Variants in EEA1 observed in about 807,000 individuals in gnomAD.
The protein encoded by EEA1 is early endosome antigen 1, 162kD.
A neutral mutation model predicts 209.2 loss-of-function variants in EEA1; 111 were observed. That is an observed-to-expected ratio of 0.53 (90% CI 0.45 to 0.62). The LOEUF (loss-of-function observed/expected upper bound fraction) is 0.62, where lower values mean the gene tolerates loss of function less well. Among genes scored for constraint, EEA1 ranks in the 20% least tolerant of loss-of-function variants. The pLI, the probability that EEA1 is intolerant of heterozygous loss-of-function variation, is 0.00. For missense variants in EEA1, 1,343 were observed against 1,530.8 expected (o/e 0.88, Z 2.05); for synonymous variants, 536 against 540.6 (o/e 0.99, Z 0.12).
intron 21 of EEA1, among the ~76,000 whole-genome samples, chr12:92,794,657 C>T (rs1308350690): frequency 6.6e-6 from 1 of 150,928 alleles, no homozygotes; most frequent in African/African-American, 2.4e-5. Flanking sequence ...CGCATGTTCC[C>T]ACTCATAGGT....
At chr12:92,802,257 A>T in intron 19 of EEA1, 147 bp downstream of exon 19, 1 of 716,032 alleles carries the variant, frequency 1.4e-6, no homozygotes, top group Non-Finnish European at 2.1e-6. Flanking sequence ...TTCTCAGGTT[A>T]AGCAATCCCA....
intron 5 of EEA1, among the ~76,000 whole-genome samples, chr12:92,856,334 C>A (rs183201158): frequency 2.5e-4 from 38 of 152,118 alleles, no homozygotes; most frequent in African/African-American, 9.2e-4. Context: ...TTAGAAAATA[C>A]ACTAAACTAT....
At chr12:92,800,822 A>C (rs1378922079) in intron 20 of EEA1, among the ~76,000 whole-genome samples, 1 of 152,262 alleles carries the variant, frequency 6.6e-6, no homozygotes, top group Non-Finnish European at 1.5e-5. Context: ...CCAGGATATA[A>C]ATTTGAACAA....
intron 3 of EEA1, chr12:92,858,811 CA>C (rs1878002906): frequency 2.6e-6 from 2 of 776,274 alleles, no homozygotes; most frequent in South Asian, 2.7e-5. Flanking sequence ...TACAATCTAC[CA>C]CCTATAGCCA....
intron 1 of EEA1, among the ~76,000 whole-genome samples, chr12:92,910,455 C>T (rs1344106369): frequency 1.3e-5 from 2 of 150,022 alleles, no homozygotes; most frequent in East Asian, 2.0e-4. Flanking sequence ...GGCGACAGAG[C>T]AAGACTCCAT....
At chr12:92,921,749 T>TA (rs1028024768) in intron 1 of EEA1, among the ~76,000 whole-genome samples, 55 of 34,340 alleles carry the variant, frequency 1.6e-3, no homozygotes, top group South Asian at 4.4e-3. Context: ...TAAAGTATAA[T>TA]AAAAAAAAAG....
chr12:92,777,574 T>C lies in EEA1; in HGVS notation c.3983A>G (p.Gln1328Arg), dbSNP rs528036786. The C allele has an allele frequency of 1.2e-6, 2 of 1,612,224 alleles. No homozygotes were observed. Among genetic ancestry groups the C allele is most frequent in the East Asian group, 2.2e-5 (1 of 44,804 alleles). ...TGATTGGTTTTCTCTGCCCAGCTCCTGCACTGCTGCAGTTGTATTATCCAG... is the reference window on the plus strand; with the variant it reads ...TGATTGGTTTTCTCTGCCCAGCTCCCGCACTGCTGCAGTTGTATTATCCAG... ...RKLDNTTAAV[Q>R]ELGRENQSLQ... The change falls in exon 27 of 29, where the codon CAG (glutamine) becomes CGG (arginine). Residue 1328 changes from glutamine (Q) to arginine (R), a missense_variant. Gln to Arg is a conservative substitution (Grantham distance 43). Transcript: ENST00000322349.
chr12:92,830,117 A>T (rs372407518), intron 11 of EEA1, among the ~76,000 whole-genome samples: 1 of 152,082 alleles, frequency 6.6e-6, no homozygotes, highest in African/African-American at 2.4e-5. Flanking sequence ...CAACACATAC[A>T]TGCAAGAAAT....
intron 3 of EEA1, among the ~76,000 whole-genome samples, chr12:92,861,109 A>T (rs995567024): frequency 3.3e-5 from 5 of 152,174 alleles, no homozygotes; most frequent in Non-Finnish European, 5.9e-5. Flanking sequence ...TGAACTGACC[A>T]TTCTAAGCCC....
chr12:92,865,583 T>C (rs1054238721), intron 2 of EEA1, among the ~76,000 whole-genome samples: 2 of 151,976 alleles, frequency 1.3e-5, no homozygotes, highest in African/African-American at 4.8e-5. Flanking sequence ...AATCTCAAAA[T>C]TATTATATGG....
At chr12:92,834,004 G>A (rs996505055) in intron 10 of EEA1, among the ~76,000 whole-genome samples, 4 of 152,084 alleles carry the variant, frequency 2.6e-5, no homozygotes, top group East Asian at 1.9e-4. Flanking sequence ...ACATACATAT[G>A]ATACATGCCA....
Position 92,826,250 on chromosome 12 carries a change from C to T in EEA1, c.1440G>A (p.Gln480=), listed in dbSNP as rs1592722151. 2 of 1,612,824 alleles carry T rather than the reference C, an allele frequency of 1.2e-6. No homozygotes were observed. Among genetic ancestry groups the T allele is most frequent in the Non-Finnish European group, 8.5e-7 (1 of 1,179,098 alleles). The change falls in exon 13 of 29, where the codon CAG becomes CAA. Residue 480 remains glutamine (Q), a synonymous_variant. Coordinates refer to ENST00000322349, the MANE Select transcript of EEA1 (RefSeq NM_003566.4). ...KEKVTNSTEL[Q]HQLDKTKQQH... is the part of the protein sequence containing the mutation. Reference sequence around the variant, plus strand: ...GTTGCTTTGTTTTATCTAATTGATGCTGCAATTCTGTAGAATTTGTAACTT... The same window carrying T: ...GTTGCTTTGTTTTATCTAATTGATGTTGCAATTCTGTAGAATTTGTAACTT...
At chr12:92,815,980 G>C (rs1324930476) in intron 15 of EEA1, among the ~76,000 whole-genome samples, 6 of 151,592 alleles carry the variant, frequency 4.0e-5, no homozygotes, top group Non-Finnish European at 8.8e-5. Context: ...GGAAGAGTGA[G>C]AGGAAGGCAG....
chr12:92,861,512 T>C (rs540568834), intron 3 of EEA1, among the ~76,000 whole-genome samples: 1 of 152,276 alleles, frequency 6.6e-6, no homozygotes, highest in South Asian at 2.1e-4. Context: ...TGGATTCAAA[T>C]TCATCCTACA....
intron 1 of EEA1, among the ~76,000 whole-genome samples, chr12:92,894,624 C>T (rs1879791719): frequency 2.0e-5 from 3 of 152,132 alleles, no homozygotes; most frequent in Admixed American, 2.0e-4. Flanking sequence ...CAGAGAAAGG[C>T]CCTTCAATTG....
In EEA1 at chr12:92,857,555, A is replaced by G; in HGVS notation, c.246-70T>C. On this transcript the variant is annotated intron_variant, in intron 3 of 28. Transcript: ENST00000322349. ...ATTAACAAACTGGTCTTAAGAAATC[A>G]TGGCTAGTAATTGTATATTAATATT... The G allele has an allele frequency of 3.2e-6, 3 of 948,378 alleles. No individual in the cohort carries two copies. In the South Asian group the frequency reaches 5.9e-5, roughly 19 times the overall value. 58.7% of individuals were successfully genotyped at this position (948,378 alleles called of 1,614,324 possible). A position where few individuals can be genotyped will look rare whatever the true frequency, so the allele number is the denominator to read the frequency against.
chr12:92,784,548 G>T (rs1179124019), intron 22 of EEA1, among the ~76,000 whole-genome samples: 1 of 152,096 alleles, frequency 6.6e-6, no homozygotes, highest in Non-Finnish European at 1.5e-5. Context: ...AAAGCCCATG[G>T]TTTAAATAAC....
intron 24 of EEA1, 80 bp downstream of exon 24, chr12:92,780,200 A>C: frequency 1.4e-6 from 2 of 1,422,850 alleles, no homozygotes; most frequent in Non-Finnish European, 1.9e-6. Flanking sequence ...TCAATAAATA[A>C]ATAAATATGT....
chr12:92,789,111 G>A (rs1351699653), intron 21 of EEA1, among the ~76,000 whole-genome samples: 1 of 151,786 alleles, frequency 6.6e-6, no homozygotes, highest in Non-Finnish European at 1.5e-5. Flanking sequence ...CCAACATGGT[G>A]AAACCCCGCC....
Sources: allele counts gnomAD v4.1 joint callset (sites outside exome capture counted in the v4.1 genomes callset), GRCh38; gene constraint gnomAD v4.1.1; transcripts MANE v1.5; gene names NCBI Gene and HGNC (gene_info 2026-07-23, HGNC 2026-07-21).